The following DLD variants were observed in gnomAD, a reference collection of about 807,000 sequenced individuals.
The protein encoded by DLD is dihydrolipoamide dehydrogenase.
A neutral mutation model predicts 62.2 loss-of-function variants in DLD; 36 were observed. The ratio of observed to expected loss-of-function variants is 0.58; its 90% CI spans 0.44 to 0.76. The LOEUF (loss-of-function observed/expected upper bound fraction) is 0.76, where lower values mean the gene tolerates loss of function less well. Among genes scored for constraint, DLD ranks in the 30% least tolerant of loss-of-function variants. The pLI, the probability that DLD is intolerant of heterozygous loss-of-function variation, is 0.00. For synonymous variants in DLD, 204 were observed against 199.6 expected (o/e 1.02, Z -0.19); for missense variants, 541 against 608.6 (o/e 0.89, Z 1.17).
At chr7:107,903,716 T>C in intron 5 of DLD, 169 bp downstream of exon 5, 1 of 486,612 alleles carries the variant, frequency 2.1e-6, no homozygotes, top group Non-Finnish European at 3.7e-6. Flanking sequence ...AAGGCCTAAA[T>C]CCAGATTTCT....
rs777441463 is a variant in DLD at position 107,893,313 on chromosome 7, T to G, written c.118+35T>G. The G allele has an allele frequency of 8.0e-6, 12 of 1,498,234 alleles. No individual in the cohort carries two copies. In the South Asian group the frequency reaches 1.3e-4, roughly 16 times the overall value. 92.8% of individuals were successfully genotyped at this position (1,498,234 alleles called of 1,614,324 possible). A position where few individuals can be genotyped will look rare whatever the true frequency, so the allele number is the denominator to read the frequency against. On this transcript the variant is annotated intron_variant, in intron 2 of 13. Transcript: ENST00000205402. ...TAAGTAAAACATTTTTTTCATCACA[T>G]TAGCTGACAGTTCCTTTCTATTTCA... is the stretch of plus-strand genomic sequence containing the variant.
Position 107,919,269 on chromosome 7 carries a change from TTA to T in DLD, c.*18_*19del, listed in dbSNP as rs746982095. ...ATCAATCAACTTTTGAATTAGAAGATTATATATATTTTTTTCTGAAATTTCCT... is the reference window on the plus strand; with the variant it reads ...ATCAATCAACTTTTGAATTAGAAGATTATATATTTTTTTCTGAAATTTCCT... On this transcript the variant is annotated 3_prime_UTR_variant, in exon 14 of 14. Coordinates refer to ENST00000205402, the MANE Select transcript of DLD (RefSeq NM_000108.5). 6.3e-7 allele frequency: 1 copy of T among 1,596,390 alleles called. No individual in the cohort carries two copies. Among genetic ancestry groups the T allele is most frequent in the Non-Finnish European group, 8.6e-7 (1 of 1,168,552 alleles).
At position 107,920,312 on chromosome 7, in the gene DLD, G is replaced by C. The variant is rs1316070819; in HGVS notation, c.*1053G>C. On this transcript the variant is annotated 3_prime_UTR_variant, in exon 14 of 14. Coordinates refer to ENST00000205402, the MANE Select transcript of DLD (RefSeq NM_000108.5). ...TAAGTAACAAAGTACTAAATGCTAA[G>C]TAGGCTTTTGCATATTGTAACTAAA... The C allele has an allele frequency of 6.6e-6, 1 of 152,316 alleles. No individual in the cohort carries two copies. The highest frequency in any genetic ancestry group is 1.5e-5 in the Non-Finnish European group (1 of 68,034). 9.4% of individuals were successfully genotyped at this position (152,316 alleles called of 1,614,324 possible). A position where few individuals can be genotyped will look rare whatever the true frequency, so the allele number is the denominator to read the frequency against.
intron 10 of DLD, 22 bp from the exon 11 acceptor site, chr7:107,917,251 T>C (rs780120255): frequency 1.2e-6 from 2 of 1,613,300 alleles, no homozygotes. Flanking sequence ...ATTCATTGTG[T>C]TTCTTTTGAT....
Position 107,916,912 on chromosome 7 carries a change from G to A in DLD, c.994G>A (p.Asp332Asn), listed in dbSNP as rs918519186. 4 of 1,613,738 alleles carry A rather than the reference G, an allele frequency of 2.5e-6. No homozygotes were observed. The highest frequency in any genetic ancestry group is 3.4e-6 in the Non-Finnish European group (4 of 1,179,948). ...ACTAGAAGAGCTGGGAATTGAACTA[G>A]ATCCCAGAGGTAGAATTCCAGTCAA... ...LGLEELGIEL[D>N]PRGRIPVNTR... Residue 332 changes from aspartate (D) to asparagine (N), a missense_variant, in exon 10 of 14, where the codon GAT (aspartate) becomes AAT (asparagine). Transcript: ENST00000205402.
rs553760364 is a variant in DLD at position 107,894,725 on chromosome 7, A to AGTGGAAT, written c.118+1449_118+1455dup. Among the ~76,000 whole-genome samples the AGTGGAAT allele has an allele frequency of 7.2e-5, 11 of 152,340 alleles. No homozygotes were observed. In the South Asian group the frequency reaches 2.3e-3, roughly 32 times the overall value. On this transcript the variant is annotated intron_variant, in intron 2 of 13. Transcript: ENST00000205402. Reference sequence around the variant, plus strand: ...GACCCTGAGCCAGAACTTAGATTTTAGTGGAATGAGGCTGAGTGTTCCATA... The same window carrying AGTGGAAT: ...GACCCTGAGCCAGAACTTAGATTTTAGTGGAATGTGGAATGAGGCTGAGTGTTCCATA...
chr7:107,910,633 T>G (rs149428855), intron 8 of DLD, among the ~76,000 whole-genome samples: 122 of 152,342 alleles, frequency 8.0e-4, no homozygotes, highest in East Asian at 1.5e-3. Context: ...TACTGACTTA[T>G]GTTCTTGTTA....
At chr7:107,892,750 G>T (rs1042573344) in intron 1 of DLD, among the ~76,000 whole-genome samples, 1 of 152,076 alleles carries the variant, frequency 6.6e-6, no homozygotes, top group Non-Finnish European at 1.5e-5. Flanking sequence ...GCTTCACTAT[G>T]TTGGCCAGGC....
intron 2 of DLD, among the ~76,000 whole-genome samples, chr7:107,895,182 G>A (rs73423583): frequency 0.013 from 1,935 of 152,282 alleles, 44 homozygotes; most frequent in African/African-American, 0.044. Flanking sequence ...GTGTGCTGCT[G>A]TTCTCCCCAT....
At position 107,906,501 on chromosome 7, in the gene DLD, G is replaced by A. The variant is rs2032012046; in HGVS notation, c.684+133G>A. 4.5e-6 allele frequency: 3 copies of A among 666,766 alleles called. No individual in the cohort carries two copies. In the Admixed American group the frequency reaches 7.6e-5, roughly 17 times the overall value. The allele number at this position is 666,766 out of a possible 1,614,324, so 41.3% of individuals were successfully genotyped here. Reference sequence around the variant, plus strand: ...TTGCTTAAACACTTCTAGTAATAAAGAGTTTACTTTTGTTTTTTTCAAGAC... The same window carrying A: ...TTGCTTAAACACTTCTAGTAATAAAAAGTTTACTTTTGTTTTTTTCAAGAC... On this transcript the variant is annotated intron_variant, in intron 8 of 13. Transcript: ENST00000205402.
Position 107,919,315 on chromosome 7 carries a change from C to A in DLD, c.*56C>A. 7.3e-7 allele frequency: 1 copy of A among 1,370,504 alleles called. No homozygotes were observed. The highest frequency in any genetic ancestry group is 1.2e-5 in the South Asian group (1 of 83,998). 84.9% of individuals were successfully genotyped at this position (1,370,504 alleles called of 1,614,324 possible). ...ATTTCCTGGGAGCTTTTGTAGAAGT[C>A]ACATTCCTGAACAGGATATTCTCAC... is the stretch of plus-strand genomic sequence containing the variant. On this transcript the variant is annotated 3_prime_UTR_variant, in exon 14 of 14. Transcript: ENST00000205402.
chr7:107,906,518 T>C, intron 8 of DLD, 150 bp downstream of exon 8: 1 of 650,008 alleles, frequency 1.5e-6, no homozygotes. Flanking sequence ...CTTTTGTTTT[T>C]TTCAAGACAA....
chr7:107,894,215 A>G (rs924792793), intron 2 of DLD, among the ~76,000 whole-genome samples: 3 of 152,192 alleles, frequency 2.0e-5, no homozygotes, highest in Admixed American at 6.5e-5. Flanking sequence ...ATTATTTGCA[A>G]TGTACTGTTT....
At chr7:107,891,416 C>G (rs571818711) in intron 1 of DLD, 127 bp downstream of exon 1, 2 of 1,046,476 alleles carry the variant, frequency 1.9e-6, no homozygotes, top group South Asian at 1.3e-5. Context: ...CACCCCTGGC[C>G]CCGCCTCTGC....
chr7:107,900,882 G>C (rs1402376281), intron 2 of DLD, among the ~76,000 whole-genome samples: 2 of 152,284 alleles, frequency 1.3e-5, no homozygotes, highest in Non-Finnish European at 2.9e-5. Context: ...AAGGGAGACT[G>C]TTTCCTAACT....
intron 8 of DLD, among the ~76,000 whole-genome samples, chr7:107,912,756 C>T (rs1323268603): frequency 1.3e-5 from 2 of 152,002 alleles, no homozygotes; most frequent in Admixed American, 1.3e-4. Flanking sequence ...TGTGGGTTGT[C>T]TCTTTGTGGA....
At chr7:107,902,194 A>G (rs1177595036) in intron 3 of DLD, 131 bp from the exon 4 acceptor site, 25 of 758,314 alleles carry the variant, frequency 3.3e-5, no homozygotes, top group East Asian at 3.0e-4. Context: ...ATAAAGGACT[A>G]TATATTTTAG....
intron 6 of DLD, 36 bp from the exon 7 acceptor site, chr7:107,905,325 T>G (rs2031977222): frequency 6.3e-7 from 1 of 1,584,632 alleles, no homozygotes; most frequent in Admixed American, 1.7e-5. Context: ...CAAATTACTT[T>G]AAACTTTGTG....
At chr7:107,904,114 TA>T (rs2031945767) in intron 5 of DLD, among the ~76,000 whole-genome samples, 2 of 152,234 alleles carry the variant, frequency 1.3e-5, no homozygotes, top group African/African-American at 4.8e-5. Context: ...GACCTAGTCA[TA>T]ACCTTGGGTT....
Sources: allele counts gnomAD v4.1 joint callset (sites outside exome capture counted in the v4.1 genomes callset), GRCh38; gene constraint gnomAD v4.1.1; transcripts MANE v1.5; gene names NCBI Gene and HGNC (gene_info 2026-07-23, HGNC 2026-07-21).